DCTN4: variants seen among roughly 807,000 people sequenced by gnomAD.
DCTN4 encodes the protein dynactin 4 (p62).
A neutral mutation model predicts 62.7 loss-of-function variants in DCTN4; 23 were observed. That is an observed-to-expected ratio of 0.37 (90% CI 0.26 to 0.52). The LOEUF is 0.52. DCTN4 is among the 20% of genes least tolerant of loss of function. The pLI, the probability that DCTN4 is intolerant of heterozygous loss-of-function variation, is 0.92. For missense variants in DCTN4, 514 were observed against 580.4 expected (o/e 0.89, Z 1.18); for synonymous variants, 199 against 202.1 (o/e 0.98, Z 0.13).
intron 8 of DCTN4, among the ~76,000 whole-genome samples, chr5:150,724,249 T>G (rs1332655839): frequency 6.6e-6 from 1 of 152,236 alleles, no homozygotes; most frequent in Non-Finnish European, 1.5e-5. Context: ...TCTTTCATAT[T>G]TATTGGCTAT....
rs778601979 is a variant in DCTN4 at position 150,718,345 on chromosome 5, C to T, written c.1002G>A (p.Glu334=). ...QVLLTLTNPV[E]NLTHVTLFEC... is the part of the protein sequence containing the mutation. Reference sequence around the variant, plus strand: ...CGAAGAGAGTCACATGGGTGAGGTTCTCAACTGGATTTGTAAGAGTCAGGA... The same window carrying T: ...CGAAGAGAGTCACATGGGTGAGGTTTTCAACTGGATTTGTAAGAGTCAGGA... The change falls in exon 11 of 13, where the codon GAG becomes GAA. Residue 334 remains glutamate (E), a synonymous_variant. Transcript: ENST00000447998. The T allele has an allele frequency of 9.9e-6, 16 of 1,613,944 alleles. No homozygotes were observed. The Admixed American group carries it at 2.5e-4, about 25-fold the overall frequency.
intron 4 of DCTN4, among the ~76,000 whole-genome samples, chr5:150,736,642 C>T (rs1433866057): frequency 6.6e-6 from 1 of 151,988 alleles, no homozygotes; most frequent in Admixed American, 6.6e-5. Flanking sequence ...TTGAAACACA[C>T]CAAAATATAA....
At chr5:150,716,527 G>C (rs1759763051) in intron 11 of DCTN4, among the ~76,000 whole-genome samples, 1 of 152,190 alleles carries the variant, frequency 6.6e-6, no homozygotes, top group Admixed American at 6.5e-5. Context: ...ACAAATGTGG[G>C]AGGGGAGGTA....
At chr5:150,734,702 G>C (rs1170415652) in intron 4 of DCTN4, among the ~76,000 whole-genome samples, 1 of 152,230 alleles carries the variant, frequency 6.6e-6, no homozygotes, top group Non-Finnish European at 1.5e-5. Flanking sequence ...ACAGCAGTCG[G>C]GAAGGGGCGG....
At position 150,718,400 on chromosome 5, in the gene DCTN4, A is replaced by C; in HGVS notation, c.964-17T>G. The C allele has an allele frequency of 6.3e-7, 1 of 1,579,342 alleles. No homozygotes were observed. The highest frequency in any genetic ancestry group is 1.7e-5 in the Admixed American group (1 of 59,464). On this transcript the variant is annotated splice_polypyrimidine_tract_variant and intron_variant, in intron 10 of 12. Transcript: ENST00000447998. Reference sequence around the variant, plus strand: ...CTGGCTCTCCTGGTGAATAGGAAACACATCTCTCAGACATTCGCCACTTTC... The same window carrying C: ...CTGGCTCTCCTGGTGAATAGGAAACCCATCTCTCAGACATTCGCCACTTTC...
intron 2 of DCTN4, 121 bp downstream of exon 2, chr5:150,756,296 C>T: frequency 3.4e-6 from 2 of 590,388 alleles, no homozygotes; most frequent in Non-Finnish European, 5.7e-6. Flanking sequence ...GCCTCCGCCT[C>T]CCAAAGTGCT....
At chr5:150,729,221 C>T (rs1181804333) in intron 8 of DCTN4, among the ~76,000 whole-genome samples, 1 of 151,552 alleles carries the variant, frequency 6.6e-6, no homozygotes, top group Non-Finnish European at 1.5e-5. Context: ...TGTTCCTTTG[C>T]CCCTTCTTTT....
At chr5:150,718,160 AAAG>A in intron 11 of DCTN4, 113 bp downstream of exon 11, 2 of 634,352 alleles carry the variant, frequency 3.2e-6, no homozygotes, top group Non-Finnish European at 2.7e-6. Context: ...GGTGGAATCA[AAAG>A]AACTTGCTGA....
chr5:150,754,894 T>C (rs1365992559), intron 2 of DCTN4, among the ~76,000 whole-genome samples: 1 of 146,968 alleles, frequency 6.8e-6, no homozygotes, highest in Non-Finnish European at 1.5e-5. Context: ...GCCTGGGAGG[T>C]TGAGGTTGCA....
At chr5:150,751,897 A>G (rs1324824244) in intron 3 of DCTN4, among the ~76,000 whole-genome samples, 1 of 152,176 alleles carries the variant, frequency 6.6e-6, no homozygotes. Context: ...AACTTCACCC[A>G]TATTTACTTC....
rs754641920 is a variant in DCTN4, at chr5:150,741,164, C to CAAAAAAAAAAA, written c.429+939_429+949dup. 1.0e-3 allele frequency among the ~76,000 whole-genome samples: 60 copies of CAAAAAAAAAAA among 58,344 alleles called. 2 individuals carry two copies. Among genetic ancestry groups the CAAAAAAAAAAA allele is most frequent in the African/African-American group, 2.7e-3 (49 of 18,398 alleles). The allele number at this position is 58,344 out of a possible 152,430, so 38.3% of individuals were successfully genotyped here. ...TGGGTGACAGAGTGAGATCCTGTCT[C>CAAAAAAAAAAA]AAAAAAAAAAAAAAAAAAAAAGTTC... On this transcript the variant is annotated intron_variant, in intron 4 of 12. Transcript: ENST00000447998.
chr5:150,753,737 GTC>G (rs1752760518), intron 2 of DCTN4, 80 bp from the exon 3 acceptor site: 2 of 1,408,572 alleles, frequency 1.4e-6, no homozygotes, highest in East Asian at 4.8e-5. Context: ...AAGGACAAGT[GTC>G]TCTCAAGAAA....
chr5:150,733,705 G>A, intron 4 of DCTN4: 1 of 403,520 alleles, frequency 2.5e-6, no homozygotes, highest in Admixed American at 4.2e-5. Context: ...AAGAGGCTTG[G>A]AAATTTTTTG....
Position 150,708,973 on chromosome 5 carries a change from A to C in DCTN4, c.*2176T>G, listed in dbSNP as rs1319648273. 1 of 152,820 alleles carries C rather than the reference A, an allele frequency of 6.5e-6. No individual in the cohort carries two copies. The highest frequency in any genetic ancestry group is 1.5e-5 in the Non-Finnish European group (1 of 68,048). The allele number at this position is 152,820 out of a possible 1,614,324, so 9.5% of individuals were successfully genotyped here. A position where few individuals can be genotyped will look rare whatever the true frequency, so the allele number is the denominator to read the frequency against. On this transcript the variant is annotated 3_prime_UTR_variant, in exon 13 of 13. Coordinates refer to ENST00000447998, the MANE Select transcript of DCTN4 (RefSeq NM_016221.4). ...AACAAATCCAAATTAACTTAGCCTA[A>C]GTTTCCAAAGCTGTAGTTTCAAGTG...
chr5:150,754,301 C>A (rs2113153671), intron 2 of DCTN4, among the ~76,000 whole-genome samples: 1 of 152,236 alleles, frequency 6.6e-6, no homozygotes, highest in East Asian at 1.9e-4. Flanking sequence ...AAGTTCTGTT[C>A]TATAATATAA....
At chr5:150,753,800 G>A in intron 2 of DCTN4, 143 bp from the exon 3 acceptor site, 1 of 770,992 alleles carries the variant, frequency 1.3e-6, no homozygotes. Context: ...AACAGTTCAA[G>A]AGTACTATAT....
Position 150,756,399 on chromosome 5 carries a change from A to T in DCTN4, c.206+18T>A. 6.5e-7 allele frequency: 1 copy of T among 1,548,414 alleles called. No homozygotes were observed. Among genetic ancestry groups the T allele is most frequent in the Non-Finnish European group, 8.7e-7 (1 of 1,150,312 alleles). On this transcript the variant is annotated intron_variant, in intron 2 of 12. Coordinates refer to ENST00000447998, the MANE Select transcript of DCTN4 (RefSeq NM_016221.4). ...TCAAGGAAAATAGGAAGAAAAAAAA[A>T]ATCAGTCCAGGTCTTACCTATTCTT...
chr5:150,722,008 T>C (rs560472434), intron 9 of DCTN4, among the ~76,000 whole-genome samples: 3 of 152,218 alleles, frequency 2.0e-5, no homozygotes, highest in Admixed American at 1.3e-4. Context: ...AAATTTTTTG[T>C]AGAGATGGGG....
intron 8 of DCTN4, among the ~76,000 whole-genome samples, chr5:150,729,208 C>A (rs748915990): frequency 1.4e-4 from 21 of 151,736 alleles, no homozygotes; most frequent in Non-Finnish European, 2.8e-4. Context: ...ACTACCAATT[C>A]AATGTTCCTT....
Sources: allele counts gnomAD v4.1 joint callset (sites outside exome capture counted in the v4.1 genomes callset), GRCh38; gene constraint gnomAD v4.1.1; transcripts MANE v1.5; gene names NCBI Gene and HGNC (gene_info 2026-07-23, HGNC 2026-07-21).